The following ANAPC10 variants were observed in gnomAD, a reference collection of about 807,000 sequenced individuals.
ANAPC10 encodes the protein anaphase promoting complex subunit 10.
ANAPC10 carries 12 observed loss-of-function variants against 22.0 expected under a neutral mutation model. The observed-to-expected ratio is 0.55, with a 90% confidence interval of 0.35 to 0.88. The LOEUF (loss-of-function observed/expected upper bound fraction) is 0.88. ANAPC10 is among the 40% of genes least tolerant of loss of function. ANAPC10 has a pLI of 0.01. For synonymous variants in ANAPC10, 65 were observed against 69.5 expected (o/e 0.94, Z 0.32); for missense variants, 188 against 220.9 (o/e 0.85, Z 0.94).
intron 4 of ANAPC10, among the ~76,000 whole-genome samples, chr4:145,039,402 T>C (rs922397647): frequency 5.9e-5 from 9 of 152,202 alleles, no homozygotes; most frequent in Non-Finnish European, 1.3e-4. Flanking sequence ...GTGTGAATTA[T>C]ATAGGAGTGG....
intron 4 of ANAPC10, among the ~76,000 whole-genome samples, chr4:145,018,365 G>A (rs894811968): frequency 2.6e-5 from 4 of 151,930 alleles, no homozygotes; most frequent in East Asian, 1.9e-4. Flanking sequence ...CGGGCACCGC[G>A]GCTCACACCT....
intron 4 of ANAPC10, chr4:145,053,602 G>A (rs949231834): frequency 7.1e-6 from 3 of 421,582 alleles, no homozygotes; most frequent in East Asian, 7.0e-5. Context: ...CAAGAGGAAA[G>A]ATTCCCAAAT....
intron 4 of ANAPC10, among the ~76,000 whole-genome samples, chr4:145,016,082 C>T (rs1443136313): frequency 3.3e-5 from 5 of 152,124 alleles, no homozygotes; most frequent in Non-Finnish European, 5.9e-5. Flanking sequence ...CCCTCTCTCA[C>T]CACTCCTATT....
At chr4:145,064,076 T>C (rs1455199014) in intron 4 of ANAPC10, 1 of 152,142 alleles carries the variant, frequency 6.6e-6, no homozygotes, top group Non-Finnish European at 1.5e-5. Context: ...CATAAATGTA[T>C]GTGTTTGTCA....
chr4:145,044,132 G>A (rs543374271), intron 4 of ANAPC10, among the ~76,000 whole-genome samples: 138 of 152,160 alleles, frequency 9.1e-4, no homozygotes, highest in Middle Eastern at 3.4e-3. Flanking sequence ...GATTCAAGGA[G>A]ATAATGCTGC....
chr4:144,997,485 C>T (rs1269310852), intron 4 of ANAPC10, among the ~76,000 whole-genome samples: 2 of 152,160 alleles, frequency 1.3e-5, no homozygotes, highest in African/African-American at 4.8e-5. Flanking sequence ...TCCAGCCAAA[C>T]TAAGCTTCAT....
chr4:145,027,415 T>C (rs1736921472), intron 4 of ANAPC10, among the ~76,000 whole-genome samples: 1 of 152,046 alleles, frequency 6.6e-6, no homozygotes, highest in African/African-American at 2.4e-5. Flanking sequence ...AGCTAATAAA[T>C]GTGAATTCAG....
In ANAPC10 at chr4:145,086,108, G is replaced by A. The variant is rs180895225; in HGVS notation, c.116-4358C>T. Among the ~76,000 whole-genome samples, 425 of 152,088 alleles carry A rather than the reference G, an allele frequency of 2.8e-3. 4 individuals are homozygous for A. The highest frequency in any genetic ancestry group is 7.3e-3 in the African/African-American group (304 of 41,488). On this transcript the variant is annotated intron_variant, in intron 2 of 4. Transcript: ENST00000507656. Reference sequence around the variant, plus strand: ...CCCCAGAGTAGCTGGGATTACAGGCGCCTGCCAACACGCCCAGCTAATTTT... The same window carrying A: ...CCCCAGAGTAGCTGGGATTACAGGCACCTGCCAACACGCCCAGCTAATTTT...
chr4:145,024,567 G>C (rs1257241285), intron 4 of ANAPC10, among the ~76,000 whole-genome samples: 1 of 152,142 alleles, frequency 6.6e-6, no homozygotes, highest in Non-Finnish European at 1.5e-5. Context: ...CATTGTCAAT[G>C]AGCAGTAATA....
chr4:145,042,879 T>G (rs1449729784), intron 4 of ANAPC10, among the ~76,000 whole-genome samples: 2 of 151,806 alleles, frequency 1.3e-5, no homozygotes, highest in Non-Finnish European at 2.9e-5. Context: ...CTTATTTCTC[T>G]GTACATCTTT....
At chr4:145,007,853 A>C (rs1183147674) in intron 4 of ANAPC10, among the ~76,000 whole-genome samples, 1 of 76,292 alleles carries the variant, frequency 1.3e-5, no homozygotes. Flanking sequence ...ACACAGAGAC[A>C]CAAAAAAAAC....
chr4:145,027,136 T>A (rs916430766), intron 4 of ANAPC10, among the ~76,000 whole-genome samples: 4 of 148,178 alleles, frequency 2.7e-5, no homozygotes, highest in African/African-American at 1.0e-4. Context: ...CCCGAGTAGC[T>A]GAGACTACAG....
At chr4:145,049,414 A>C (rs1190439423) in intron 4 of ANAPC10, among the ~76,000 whole-genome samples, 4 of 152,198 alleles carry the variant, frequency 2.6e-5, no homozygotes, top group Non-Finnish European at 4.4e-5. Context: ...TTCTTTTATC[A>C]ACTAAGATGA....
intron 4 of ANAPC10, among the ~76,000 whole-genome samples, chr4:145,028,605 G>T (rs1737088486): frequency 1.3e-5 from 2 of 152,186 alleles, no homozygotes; most frequent in Admixed American, 6.5e-5. Context: ...GGTTTCTGGA[G>T]TTGGCTGCTT....
intron 4 of ANAPC10, among the ~76,000 whole-genome samples, chr4:145,043,440 AT>A (rs1257223936): frequency 6.6e-6 from 1 of 152,110 alleles, no homozygotes; most frequent in Non-Finnish European, 1.5e-5. Context: ...AATTTTCCGA[AT>A]GGTTGAACAC....
chr4:145,039,863 G>C (rs190683910), intron 4 of ANAPC10, among the ~76,000 whole-genome samples: 32 of 152,196 alleles, frequency 2.1e-4, no homozygotes, highest in African/African-American at 7.5e-4. Context: ...CAAAGTGCTG[G>C]AATTACAGGC....
chr4:145,008,302 T>C (rs551082190), intron 4 of ANAPC10, among the ~76,000 whole-genome samples: 5 of 151,916 alleles, frequency 3.3e-5, no homozygotes, highest in Admixed American at 2.0e-4. Context: ...TTCCAATCAA[T>C]AGAAAAAGAG....
At chr4:145,054,630 TGTGTGTGTGTGCGCGC>T (rs1169728523) in intron 4 of ANAPC10, among the ~76,000 whole-genome samples, 11 of 124,960 alleles carry the variant, frequency 8.8e-5, no homozygotes, top group Non-Finnish European at 1.4e-4. Flanking sequence ...TGTGTGTGTG[TGTGTGTGTGTGCGCGC>T]GCGCGCGCGT....
At chr4:145,010,372 A>C (rs1208278178) in intron 4 of ANAPC10, among the ~76,000 whole-genome samples, 3 of 152,164 alleles carry the variant, frequency 2.0e-5, no homozygotes, top group African/African-American at 7.2e-5. Context: ...ACACACGCAC[A>C]CTTATGTTTA....
Sources: allele counts gnomAD v4.1 joint callset (sites outside exome capture counted in the v4.1 genomes callset), GRCh38; gene constraint gnomAD v4.1.1; transcripts MANE v1.5; gene names NCBI Gene and HGNC (gene_info 2026-07-23, HGNC 2026-07-21).